Variants in DLG1 observed in about 807,000 individuals in gnomAD.
The protein encoded by DLG1 is disks large homolog 1.
A neutral mutation model predicts 123.4 loss-of-function variants in DLG1; 42 were observed. That is an observed-to-expected ratio of 0.34 (90% CI 0.27 to 0.44). The LOEUF (loss-of-function observed/expected upper bound fraction) is 0.44. Ranked by LOEUF, DLG1 falls within the 20% of genes least tolerant of loss-of-function variation. The pLI is 1.00. For missense variants in DLG1, 942 were observed against 1,082.6 expected (o/e 0.87, Z 1.82); for synonymous variants, 317 against 356.2 (o/e 0.89, Z 1.24).
intron 14 of DLG1, among the ~76,000 whole-genome samples, chr3:197,096,702 T>A (rs1462622830): frequency 6.6e-6 from 1 of 152,246 alleles, no homozygotes; most frequent in Non-Finnish European, 1.5e-5. Context: ...TCTACTAATT[T>A]TCTGAGTTCT....
At position 197,062,371 on chromosome 3, in the gene DLG1, A is replaced by AG. The variant is rs1736447863; in HGVS notation, c.2374-2374_2374-2373insC. Among the ~76,000 whole-genome samples, 5 of 152,360 alleles carry AG rather than the reference A, an allele frequency of 3.3e-5. No homozygotes were observed. In the East Asian group the frequency reaches 9.6e-4, roughly 29 times the overall value. On this transcript the variant is annotated intron_variant, in intron 22 of 24. Coordinates refer to ENST00000667157, the MANE Select transcript of DLG1 (RefSeq NM_001366207.1). The stretch of plus-strand genomic sequence containing the variant: ...GTACTTGAAGTATGGCTGCGACTGA[A>AG]TATGCATCACTTTTGCGCCTCTGAA...
intron 13 of DLG1, among the ~76,000 whole-genome samples, chr3:197,111,239 A>T (rs1367588156): frequency 6.6e-6 from 1 of 152,190 alleles, no homozygotes; most frequent in Non-Finnish European, 1.5e-5. Context: ...TCAAGACCAA[A>T]GGGTTTCCAG....
chr3:197,099,325 G>A (rs975357642), intron 14 of DLG1, among the ~76,000 whole-genome samples: 3 of 152,142 alleles, frequency 2.0e-5, no homozygotes, highest in South Asian at 2.1e-4. Context: ...TCAGCCTCCC[G>A]AAGTGCTAAC....
rs1758797893 is a variant in DLG1 at position 197,093,332 on chromosome 3, C to T, written c.1547-2306G>A. On this transcript the variant is annotated intron_variant, in intron 14 of 24. Transcript: ENST00000667157. Reference sequence around the variant, plus strand: ...CGCTAACATGCCCAGCTAATTTTTGCATTTTTAATAGAGACGGGGTTTCAC... The same window carrying T: ...CGCTAACATGCCCAGCTAATTTTTGTATTTTTAATAGAGACGGGGTTTCAC... Among the ~76,000 whole-genome samples, 4 of 152,082 alleles carry T rather than the reference C, an allele frequency of 2.6e-5. No individual in the cohort carries two copies. The South Asian group carries it at 8.3e-4, about 32-fold the overall frequency.
At position 197,265,301 on chromosome 3, in the gene DLG1, C is replaced by T. The variant is rs189359743; in HGVS notation, c.318+17378G>A. Among the ~76,000 whole-genome samples the T allele has an allele frequency of 9.9e-4, 151 of 152,244 alleles. 2 individuals are homozygous for T. The highest frequency in any genetic ancestry group is 3.3e-3 in the African/African-American group (136 of 41,542). ...TAGAATACCAATGGCTTTCCATAAA[C>T]AAGCAATTGCTGCCAACCATAATGG... On this transcript the variant is annotated intron_variant, in intron 4 of 24. Coordinates refer to ENST00000667157, the MANE Select transcript of DLG1 (RefSeq NM_001366207.1).
At chr3:197,056,128 G>C (rs1731514193) in intron 23 of DLG1, among the ~76,000 whole-genome samples, 1 of 152,130 alleles carries the variant, frequency 6.6e-6, no homozygotes, top group Non-Finnish European at 1.5e-5. Context: ...AGACTTCAGA[G>C]TTCCCAACCT....
At chr3:197,264,017 TAAG>T (rs1760663860) in intron 4 of DLG1, among the ~76,000 whole-genome samples, 2 of 152,316 alleles carry the variant, frequency 1.3e-5, no homozygotes, top group Non-Finnish European at 2.9e-5. Context: ...TACAAACCTG[TAAG>T]AATAAGATGA....
intron 4 of DLG1, among the ~76,000 whole-genome samples, chr3:197,272,415 T>C (rs1330089566): frequency 2.6e-5 from 4 of 152,204 alleles, no homozygotes; most frequent in Non-Finnish European, 5.9e-5. Flanking sequence ...TTTTAATCTC[T>C]TTTAATATGT....
intron 4 of DLG1, among the ~76,000 whole-genome samples, chr3:197,272,166 TG>T (rs1373897167): frequency 2.0e-5 from 3 of 152,188 alleles, no homozygotes; most frequent in Non-Finnish European, 4.4e-5. Flanking sequence ...CCAAATTGAT[TG>T]TAGTATTCAC....
Position 197,044,737 on chromosome 3 carries a change from G to A in DLG1, c.2576-8C>T. ...TATCCCCCTGTACAATAGCTGTAAT[G>A]ATAGAAACAAAATCAGAAATCTCCA... On this transcript the variant is annotated splice_polypyrimidine_tract_variant and splice_region_variant and intron_variant, in intron 24 of 24. Transcript: ENST00000667157. 6.7e-7 allele frequency: 1 copy of A among 1,481,866 alleles called. No individual in the cohort carries two copies. Among genetic ancestry groups the A allele is most frequent in the Non-Finnish European group, 9.1e-7 (1 of 1,094,036 alleles). 91.8% of individuals were successfully genotyped at this position (1,481,866 alleles called of 1,614,324 possible).
chr3:197,138,503 A>G (rs1224227949), intron 8 of DLG1, 112 bp from the exon 9 acceptor site: 3 of 424,884 alleles, frequency 7.1e-6, no homozygotes, highest in Non-Finnish European at 1.1e-5. Context: ...AATTATAAAT[A>G]ATTCTGGAGT....
intron 10 of DLG1, 77 bp downstream of exon 10, chr3:197,136,465 G>T: frequency 8.1e-7 from 1 of 1,232,120 alleles, no homozygotes; most frequent in Non-Finnish European, 1.1e-6. Context: ...TTTTTGGTAT[G>T]GAGAAATTCC....
intron 5 of DLG1, among the ~76,000 whole-genome samples, chr3:197,188,362 G>A (rs1291811854): frequency 3.9e-5 from 6 of 151,926 alleles, no homozygotes; most frequent in South Asian, 2.1e-4. Context: ...CCTCTTTCAT[G>A]TCACATCATA....
intron 12 of DLG1, among the ~76,000 whole-genome samples, chr3:197,118,548 C>T (rs1560801889): frequency 6.6e-6 from 1 of 152,042 alleles, no homozygotes; most frequent in African/African-American, 2.4e-5. Flanking sequence ...AATAATAATG[C>T]TAACAATAAT....
chr3:197,140,324 T>C, intron 7 of DLG1, 60 bp from the exon 8 acceptor site: 1 of 1,565,190 alleles, frequency 6.4e-7, no homozygotes, highest in Non-Finnish European at 8.7e-7. Flanking sequence ...GACAGGTTCC[T>C]GTCATTAAAG....
At chr3:197,278,333 G>T (rs912116260) in intron 4 of DLG1, among the ~76,000 whole-genome samples, 25 of 148,410 alleles carry the variant, frequency 1.7e-4, no homozygotes, top group Non-Finnish European at 3.0e-4. Context: ...AGCTGGGTGT[G>T]GTGGTGCACA....
chr3:197,275,539 T>C (rs527631059), intron 4 of DLG1, among the ~76,000 whole-genome samples: 3 of 152,204 alleles, frequency 2.0e-5, no homozygotes, highest in Non-Finnish European at 4.4e-5. Context: ...GTAGCATATA[T>C]AGACAATAGA....
chr3:197,072,916 C>A (rs186901460), intron 18 of DLG1, among the ~76,000 whole-genome samples: 12 of 152,090 alleles, frequency 7.9e-5, no homozygotes, highest in Non-Finnish European at 4.4e-5. Context: ...AGGCTGGTCT[C>A]GAATTCCTGA....
rs145267972 is a variant in DLG1, at chr3:197,053,696, C to T, written c.2484-2028G>A. On this transcript the variant is annotated intron_variant, in intron 23 of 24. Transcript: ENST00000667157. ...CTGAGGCAAGAGAATCACTTGAACCCGGGAGGCAGAGAGGTTGCAGTGAGC... is the reference window on the plus strand; with the variant it reads ...CTGAGGCAAGAGAATCACTTGAACCTGGGAGGCAGAGAGGTTGCAGTGAGC... Among the ~76,000 whole-genome samples the T allele has an allele frequency of 4.8e-3, 727 of 150,172 alleles. 9 individuals carry two copies. The highest frequency in any genetic ancestry group is 0.017 in the African/African-American group (691 of 40,668).
Sources: allele counts gnomAD v4.1 joint callset (sites outside exome capture counted in the v4.1 genomes callset), GRCh38; gene constraint gnomAD v4.1.1; transcripts MANE v1.5; gene names NCBI Gene and HGNC (gene_info 2026-07-23, HGNC 2026-07-21).